Variants in CRTC3 observed in about 807,000 individuals in gnomAD.
CRTC3 encodes CREB regulated transcription coactivator 3, also known as CREB-regulated transcription coactivator 3.
CRTC3 carries 26 observed loss-of-function variants against 74.5 expected under a neutral mutation model. That is an observed-to-expected ratio of 0.35 (90% CI 0.26 to 0.48). The LOEUF is 0.48. Ranked by LOEUF, CRTC3 falls within the 20% of genes least tolerant of loss-of-function variation. CRTC3 has a pLI of 0.99. For synonymous variants in CRTC3, 377 were observed against 325.8 expected (o/e 1.16, Z -1.69); for missense variants, 760 against 787.3 (o/e 0.97, Z 0.41).
intron 3 of CRTC3, chr15:90,594,370 G>A (rs1161529204): frequency 6.6e-6 from 1 of 152,264 alleles, no homozygotes; most frequent in Non-Finnish European, 1.5e-5. Flanking sequence ...TGTTTACAGG[G>A]CGGCAGTGGT....
intron 10 of CRTC3, among the ~76,000 whole-genome samples, chr15:90,627,664 C>T (rs1350959386): frequency 6.6e-6 from 1 of 151,370 alleles, no homozygotes; most frequent in Non-Finnish European, 1.5e-5. Context: ...CTGTGTCGCC[C>T]AGGCTGGAGT....
intron 8 of CRTC3, among the ~76,000 whole-genome samples, chr15:90,618,539 C>A (rs532722722): frequency 6.6e-6 from 1 of 152,224 alleles, no homozygotes; most frequent in Non-Finnish European, 1.5e-5. Context: ...GGAGGTCCCA[C>A]GGTACTTGCC....
rs796361686 is a variant in CRTC3, at chr15:90,644,114, CA to C, written c.*1977del. The C allele has an allele frequency of 4.4e-6, 1 of 229,618 alleles. No homozygotes were observed. Among genetic ancestry groups the C allele is most frequent in the South Asian group, 1.8e-4 (1 of 5,500 alleles). 14.2% of individuals were successfully genotyped at this position (229,618 alleles called of 1,614,324 possible). A position where few individuals can be genotyped will look rare whatever the true frequency, so the allele number is the denominator to read the frequency against. ...AATCTTTGCTGTGGAATTGGGAAAT[CA>C]AACCAGAGTCCTCCTCGCCTGATTT... is the stretch of plus-strand genomic sequence containing the variant. On this transcript the variant is annotated 3_prime_UTR_variant, in exon 15 of 15. Coordinates refer to ENST00000268184, the MANE Select transcript of CRTC3 (RefSeq NM_022769.5).
chr15:90,579,581 A>G (rs1291127922), intron 2 of CRTC3, among the ~76,000 whole-genome samples: 2 of 146,430 alleles, frequency 1.4e-5, no homozygotes, highest in African/African-American at 5.1e-5. Flanking sequence ...TGTAAATTTC[A>G]TTGTGATTTT....
At chr15:90,618,143 T>G in intron 8 of CRTC3, 175 bp downstream of exon 8, 2 of 426,388 alleles carry the variant, frequency 4.7e-6, no homozygotes. Context: ...ATTATCGCGC[T>G]TGTGTCAATG....
chr15:90,642,492 T>C lies in CRTC3; in HGVS notation c.*352T>C. On this transcript the variant is annotated 3_prime_UTR_variant, in exon 15 of 15. Transcript: ENST00000268184. ...GTCACTGGAGGCCTCCGTAGCATTG[T>C]GTAGTGTGCTCAGAACCACTGATCT... 1 of 408,332 alleles carries C rather than the reference T, an allele frequency of 2.4e-6. No individual in the cohort carries two copies. Among genetic ancestry groups the C allele is most frequent in the Non-Finnish European group, 4.6e-6 (1 of 218,638 alleles). The allele number at this position is 408,332 out of a possible 1,614,324, so 25.3% of individuals were successfully genotyped here.
intron 11 of CRTC3, among the ~76,000 whole-genome samples, chr15:90,630,565 G>C (rs1161913900): frequency 6.6e-6 from 1 of 152,096 alleles, no homozygotes; most frequent in Admixed American, 6.6e-5. Context: ...AGTGAGCCAA[G>C]ATAGCCTCAC....
At chr15:90,544,469 A>G (rs866914421) in intron 2 of CRTC3, among the ~76,000 whole-genome samples, 2 of 152,232 alleles carry the variant, frequency 1.3e-5, no homozygotes, top group African/African-American at 4.8e-5. Flanking sequence ...ACTACATTGC[A>G]TTGATCAGTA....
intron 4 of CRTC3, 196 bp from the exon 5 acceptor site, chr15:90,604,189 C>A: frequency 1.8e-6 from 1 of 547,470 alleles, no homozygotes. Flanking sequence ...TCAGAGATCA[C>A]AGGACTGGAA....
chr15:90,593,458 G>A (rs1967846069), intron 2 of CRTC3, among the ~76,000 whole-genome samples, 178 bp from the exon 3 acceptor site: 1 of 152,062 alleles, frequency 6.6e-6, no homozygotes, highest in Non-Finnish European at 1.5e-5. Context: ...TTATTTTATG[G>A]TTATTATAAA....
chr15:90,585,072 A>G (rs1967629128), intron 2 of CRTC3, among the ~76,000 whole-genome samples: 2 of 152,334 alleles, frequency 1.3e-5, no homozygotes, highest in South Asian at 4.1e-4. Flanking sequence ...CAAGACTGTT[A>G]ACCTGTAATT....
intron 2 of CRTC3, among the ~76,000 whole-genome samples, chr15:90,587,777 C>A (rs547547150): frequency 6.6e-6 from 1 of 152,130 alleles, no homozygotes; most frequent in African/African-American, 2.4e-5. Flanking sequence ...CCACACCTGA[C>A]AAATTTTTGT....
intron 3 of CRTC3, chr15:90,598,378 T>C: frequency 2.9e-6 from 2 of 701,004 alleles, no homozygotes; most frequent in Non-Finnish European, 2.6e-6. Context: ...ATGTCCTCTC[T>C]TATCAGAAGA....
chr15:90,588,104 TA>T (rs1967709881), intron 2 of CRTC3, among the ~76,000 whole-genome samples: 1 of 150,920 alleles, frequency 6.6e-6, no homozygotes, highest in Non-Finnish European at 1.5e-5. Flanking sequence ...ATAAAAAAAT[TA>T]AAAAATTAGC....
In CRTC3 at chr15:90,598,462, A is replaced by T. The variant is rs140212325; in HGVS notation, c.352-3862A>T. 2.2e-3 allele frequency: 1,519 copies of T among 703,008 alleles called. 13 individuals are homozygous for T. Among genetic ancestry groups the T allele is most frequent in the African/African-American group, 6.7e-3 (383 of 57,362 alleles). The allele number at this position is 703,008 out of a possible 1,614,324, so 43.5% of individuals were successfully genotyped here. ...TAACACTCCACAGGTTGAGAGGAAC[A>T]GCAGTCCCTGTGTTGATGGATTGAG... is the stretch of plus-strand genomic sequence containing the variant. On this transcript the variant is annotated intron_variant, in intron 3 of 14. Transcript: ENST00000268184.
At chr15:90,629,734 CT>C (rs1358939536) in intron 11 of CRTC3, among the ~76,000 whole-genome samples, 1 of 152,106 alleles carries the variant, frequency 6.6e-6, no homozygotes, top group Non-Finnish European at 1.5e-5. Flanking sequence ...ATTTTCTTTT[CT>C]TTTTTTGAGA....
chr15:90,644,735 G>A lies in CRTC3; in HGVS notation c.*2595G>A, dbSNP rs1969567093. On this transcript the variant is annotated 3_prime_UTR_variant, in exon 15 of 15. Coordinates refer to ENST00000268184, the MANE Select transcript of CRTC3 (RefSeq NM_022769.5). ...ACGGGCAGGGTCGCCCTGGCCCACA[G>A]CACGTGAGCCTGCACTCACTGCGGC... The A allele has an allele frequency of 4.3e-6, 1 of 232,522 alleles. No individual in the cohort carries two copies. Among genetic ancestry groups the A allele is most frequent in the Non-Finnish European group, 8.5e-6 (1 of 117,646 alleles). 14.4% of individuals were successfully genotyped at this position (232,522 alleles called of 1,614,324 possible).
chr15:90,550,311 C>T (rs1233111960), intron 2 of CRTC3, among the ~76,000 whole-genome samples: 1 of 151,518 alleles, frequency 6.6e-6, no homozygotes, highest in Non-Finnish European at 1.5e-5. Flanking sequence ...GCTGTAATTC[C>T]AGCTACTTGG....
chr15:90,640,858 C>T (rs1358659277), intron 13 of CRTC3, among the ~76,000 whole-genome samples: 1 of 152,186 alleles, frequency 6.6e-6, no homozygotes, highest in South Asian at 2.1e-4. Context: ...GTGTAGTGGG[C>T]TGGGGAAAAG....
Sources: gnomAD v4.1 joint callset for allele counts (sites outside exome capture counted in the v4.1 genomes callset) on GRCh38, gnomAD v4.1.1 for gene constraint, MANE v1.5 for transcripts, NCBI Gene and HGNC (gene_info 2026-07-23, HGNC 2026-07-21) for gene names.